ZNF333: variants seen among roughly 807,000 people sequenced by gnomAD.
ZNF333 encodes zinc finger protein 333.
Under a neutral mutation model 76.1 loss-of-function variants are expected in ZNF333, and 61 were observed. That is an observed-to-expected ratio of 0.80 (90% CI 0.65 to 0.99). The LOEUF is 0.99. ZNF333 is among the 50% of genes least tolerant of loss of function. ZNF333 has a pLI of 0.00. For missense variants in ZNF333, 717 were observed against 822.4 expected, an observed-to-expected ratio of 0.87 and a Z score of 1.57; for synonymous variants, 284 against 305.0, an observed-to-expected ratio of 0.93 and a Z score of 0.72.
intron 11 of ZNF333, among the ~76,000 whole-genome samples, chr19:14,730,024 T>C (rs2147049417): frequency 6.6e-6 from 1 of 152,230 alleles, no homozygotes; most frequent in Admixed American, 6.5e-5. Context: ...AGAGAATTTA[T>C]TGAAGGAAAA....
intron 5 of ZNF333, among the ~76,000 whole-genome samples, chr19:14,704,171 G>T (rs1221720265): frequency 6.6e-6 from 1 of 152,036 alleles, no homozygotes; most frequent in Non-Finnish European, 1.5e-5. Context: ...CTAACCTCAG[G>T]TCTGTCTTTG....
chr19:14,717,852 G>A (rs1159651749), intron 11 of ZNF333, 119 bp downstream of exon 11: 2 of 949,020 alleles, frequency 2.1e-6, no homozygotes, highest in Non-Finnish European at 3.2e-6. Context: ...TGTTTACCCA[G>A]AAGGAAGCAG....
intron 4 of ZNF333, among the ~76,000 whole-genome samples, chr19:14,698,942 A>ACC: frequency 6.8e-6 from 1 of 147,312 alleles, no homozygotes; most frequent in Non-Finnish European, 1.5e-5. Context: ...ATATACACAC[A>ACC]TATATATTTT....
intron 5 of ZNF333, among the ~76,000 whole-genome samples, chr19:14,703,290 A>G (rs1021067619): frequency 1.3e-5 from 2 of 151,636 alleles, no homozygotes; most frequent in Admixed American, 6.6e-5. Context: ...TGCCTCCATG[A>G]TTCAATTACC....
intron 2 of ZNF333, among the ~76,000 whole-genome samples, chr19:14,693,855 C>T (rs1347371193): frequency 6.6e-6 from 1 of 151,960 alleles, no homozygotes; most frequent in Non-Finnish European, 1.5e-5. Flanking sequence ...TTGTGTGTGC[C>T]TGGAATCGCA....
chr19:14,698,135 C>T (rs760065674), intron 4 of ZNF333, among the ~76,000 whole-genome samples: 8 of 152,020 alleles, frequency 5.3e-5, no homozygotes, highest in Non-Finnish European at 8.8e-5. Flanking sequence ...CCTGCAGTCC[C>T]GGCACTTTGG....
chr19:14,724,428 G>A (rs1447558925), downstream of ZNF333, among the ~76,000 whole-genome samples: 2 of 152,146 alleles, frequency 1.3e-5, no homozygotes, highest in Non-Finnish European at 2.9e-5. Flanking sequence ...ACACGAGGAT[G>A]GGTCACACTT....
rs768990618 is a variant in ZNF333, at chr19:14,699,240, C to A, written c.265C>A (p.Gln89Lys). ...QLKPEELPSM[Q>K]DLLEEASSRD... is the part of the protein sequence containing the mutation. ...TAAACCCGAAGAGTTGCCTTCTATGCAGGATCTTTTGGAAGAAGCATCCTC... is the reference window on the plus strand; with the variant it reads ...TAAACCCGAAGAGTTGCCTTCTATGAAGGATCTTTTGGAAGAAGCATCCTC... Residue 89 changes from glutamine to lysine, a missense_variant, in exon 5 of 12, where the codon CAG becomes AAG. Coordinates refer to ENST00000292530, the MANE Select transcript of ZNF333 (RefSeq NM_032433.4). The A allele has an allele frequency of 1.9e-6, 3 of 1,613,782 alleles. No individual in the cohort carries two copies. In the Admixed American group the frequency reaches 5.0e-5, roughly 27 times the overall value.
In ZNF333 at chr19:14,713,753, T is replaced by G. The variant is rs142194675; in HGVS notation, c.512-1629T>G. Among the ~76,000 whole-genome samples the G allele has an allele frequency of 2.0e-3, 307 of 151,758 alleles. 2 individuals are homozygous for G. The highest frequency in any genetic ancestry group is 7.3e-3 in the African/African-American group (301 of 41,372). ...TGGGAGGATCGCTTGAGGCTAGGAA[T>G]TCAAGGCTAGCCTGGGCAACATAGT... On this transcript the variant is annotated intron_variant, in intron 7 of 11. Coordinates refer to ENST00000292530, the MANE Select transcript of ZNF333 (RefSeq NM_032433.4).
At chr19:14,727,962 C>T (rs1022833092) in intron 11 of ZNF333, among the ~76,000 whole-genome samples, 1 of 152,196 alleles carries the variant, frequency 6.6e-6, no homozygotes, top group African/African-American at 2.4e-5. Context: ...GTGGCTCACG[C>T]CTGTAATCCC....
chr19:14,731,327 C>T, exon 12 of ZNF333: 1 of 809,774 alleles, frequency 1.2e-6, no homozygotes, highest in African/African-American at 1.7e-5. Context: ...TGGCCTTGGA[C>T]TTTCAAACTT....
rs1173189789 is a variant in ZNF333, at chr19:14,708,138, G to A, written c.511+1365G>A. ...TTTTCCTGCCTCAGCCTCCCGAGTAGCTGGGATTACAGGGGTGCGCTACCA... is the reference window on the plus strand; with the variant it reads ...TTTTCCTGCCTCAGCCTCCCGAGTAACTGGGATTACAGGGGTGCGCTACCA... On this transcript the variant is annotated intron_variant, in intron 7 of 11. Coordinates refer to ENST00000292530, the MANE Select transcript of ZNF333 (RefSeq NM_032433.4). The A allele has an allele frequency of 1.8e-5, 7 of 392,038 alleles. No individual in the cohort carries two copies. The East Asian group carries it at 2.5e-4, about 14-fold the overall frequency. The allele number at this position is 392,038 out of a possible 1,614,324, so 24.3% of individuals were successfully genotyped here. A position where few individuals can be genotyped will look rare whatever the true frequency, so the allele number is the denominator to read the frequency against.
intron 11 of ZNF333, among the ~76,000 whole-genome samples, chr19:14,728,227 T>A (rs1390165539): frequency 6.6e-6 from 1 of 152,214 alleles, no homozygotes; most frequent in African/African-American, 2.4e-5. Flanking sequence ...AAAAATTTTT[T>A]TTTCAGAATA....
At chr19:14,733,486 T>G (rs2042697473) in exon 12 of ZNF333, 1 of 152,060 alleles carries the variant, frequency 6.6e-6, no homozygotes, top group Non-Finnish European at 1.5e-5. Flanking sequence ...TCCCTCCAGG[T>G]GCACTAAAAT....
At chr19:14,707,663 T>C (rs2042154008) in intron 7 of ZNF333, among the ~76,000 whole-genome samples, 1 of 147,452 alleles carries the variant, frequency 6.8e-6, no homozygotes. Flanking sequence ...GCCATTCTCC[T>C]GCCTCAGCCT....
chr19:14,722,215 T>C (rs1471451022), downstream of ZNF333, among the ~76,000 whole-genome samples: 1 of 152,258 alleles, frequency 6.6e-6, no homozygotes. Flanking sequence ...ACTTCTTCTA[T>C]CCCTCTATGT....
intron 7 of ZNF333, among the ~76,000 whole-genome samples, chr19:14,711,517 A>G (rs1364349361): frequency 6.6e-6 from 1 of 151,928 alleles, no homozygotes; most frequent in African/African-American, 2.4e-5. Flanking sequence ...AAAATAAGAA[A>G]ATTAGCCAGG....
chr19:14,691,674 G>GTTT (rs1568516298), intron 1 of ZNF333, among the ~76,000 whole-genome samples: 10 of 97,548 alleles, frequency 1.0e-4, no homozygotes, highest in Middle Eastern at 5.4e-3. Context: ...GTGTCATATT[G>GTTT]TCTTTTTTTT....
rs1219294486 is a variant in ZNF333, at chr19:14,716,226, C to T, written c.715C>T (p.Leu239=). The T allele has an allele frequency of 1.9e-6, 3 of 1,611,922 alleles. No homozygotes were observed. Among genetic ancestry groups the T allele is most frequent in the African/African-American group, 2.7e-5 (2 of 74,646 alleles). The change falls in exon 9 of 12, where the codon CTG becomes TTG. Residue 239 remains leucine, a synonymous_variant. Coordinates refer to ENST00000292530, the MANE Select transcript of ZNF333 (RefSeq NM_032433.4). ...TGTGATGCTGGAGAACTACAGGAAC[C>T]TGGCCTCTGTGGGTAAGGCAGCTTC... ...RDVMLENYRN[L]ASVADQLCKP... is the part of the protein sequence containing the mutation.
Sources: gnomAD v4.1 joint callset for allele counts (sites outside exome capture counted in the v4.1 genomes callset) on GRCh38, gnomAD v4.1.1 for gene constraint, MANE v1.5 for transcripts, NCBI Gene and HGNC (gene_info 2026-07-23, HGNC 2026-07-21) for gene names.